The following ZBTB46 variants were observed in gnomAD, a reference collection of about 807,000 sequenced individuals.
ZBTB46 encodes the protein zinc finger and BTB domain containing 46.
A neutral mutation model predicts 44.1 loss-of-function variants in ZBTB46; 8 were observed. That is an observed-to-expected ratio of 0.18 (90% CI 0.11 to 0.33). ZBTB46 has a LOEUF of 0.33. Among genes scored for constraint, ZBTB46 ranks in the 10% least tolerant of loss-of-function variants. The pLI is 1.00. For synonymous variants in ZBTB46, 409 were observed against 382.3 expected (o/e 1.07, Z -0.81); for missense variants, 651 against 847.7 (o/e 0.77, Z 2.88).
At chr20:63,795,688 A>G (rs1407365943) in intron 1 of ZBTB46, among the ~76,000 whole-genome samples, 3 of 152,170 alleles carry the variant, frequency 2.0e-5, no homozygotes, top group African/African-American at 4.8e-5. Context: ...AGGTCGGCCA[A>G]TCCTCCCTGG....
intron 2 of ZBTB46, among the ~76,000 whole-genome samples, chr20:63,782,096 A>AAAAAGAAAAAAG (rs2092475103): frequency 8.0e-6 from 1 of 124,924 alleles, no homozygotes; most frequent in South Asian, 2.7e-4. Context: ...CAAAAAAAAA[A>AAAAAGAAAAAAG]AAAAGAAAAG....
intron 2 of ZBTB46, among the ~76,000 whole-genome samples, chr20:63,785,012 T>A (rs1046679885): frequency 6.8e-6 from 1 of 146,670 alleles, no homozygotes; most frequent in Non-Finnish European, 1.5e-5. Flanking sequence ...GGCAGGCGGA[T>A]CACGAGGTCA....
At chr20:63,776,253 C>A (rs1300655178) in intron 2 of ZBTB46, among the ~76,000 whole-genome samples, 1 of 152,244 alleles carries the variant, frequency 6.6e-6, no homozygotes, top group Non-Finnish European at 1.5e-5. Context: ...CGAGGCGCTG[C>A]AGACCTGGTA....
chr20:63,803,560 C>T lies in ZBTB46; in HGVS notation c.-33-12770G>A. 1.0e-6 allele frequency: 1 copy of T among 971,894 alleles called. No individual in the cohort carries two copies. The highest frequency in any genetic ancestry group is 4.7e-5 in the South Asian group (1 of 21,108). 60.2% of individuals were successfully genotyped at this position (971,894 alleles called of 1,614,324 possible). The stretch of plus-strand genomic sequence containing the variant: ...AGCCATGTCTGCCGGCCCCGGGCTG[C>T]CCAGGCCCCGGGCTGCCCAGGTCTC... On this transcript the variant is annotated intron_variant, in intron 1 of 4. Coordinates refer to ENST00000245663, the MANE Select transcript of ZBTB46 (RefSeq NM_001369741.1). This position sits in a 1 kb window ranked among gnomAD's most constrained non-coding sequence, Gnocchi z 4.0.
intron 1 of ZBTB46, among the ~76,000 whole-genome samples, chr20:63,801,543 G>C (rs1038207053): frequency 6.6e-6 from 1 of 152,196 alleles, no homozygotes; most frequent in Non-Finnish European, 1.5e-5. Context: ...TACATTGAAA[G>C]TGTTGTTCTT....
chr20:63,774,532 G>A (rs1286908729), intron 3 of ZBTB46, among the ~76,000 whole-genome samples: 4 of 151,916 alleles, frequency 2.6e-5, no homozygotes, highest in Non-Finnish European at 5.9e-5. Flanking sequence ...TGCCGGACTC[G>A]CTCCCTCCTC....
At chr20:63,805,318 G>A (rs181680709) in intron 1 of ZBTB46, among the ~76,000 whole-genome samples, 14 of 152,230 alleles carry the variant, frequency 9.2e-5, no homozygotes, top group Admixed American at 7.9e-4. Context: ...AACAGCAGCC[G>A]GGCAGTGTGG....
intron 2 of ZBTB46, among the ~76,000 whole-genome samples, chr20:63,782,180 G>T (rs2145894574): frequency 7.4e-6 from 1 of 135,874 alleles, no homozygotes; most frequent in South Asian, 2.5e-4. Flanking sequence ...GACTCCTGCA[G>T]AGACGCCCAG....
rs538786473 is a variant in ZBTB46, at chr20:63,770,103, C to T, written c.1222+5575G>A. 2.0e-5 allele frequency among the ~76,000 whole-genome samples: 3 copies of T among 152,186 alleles called. No homozygotes were observed. The South Asian group carries it at 6.2e-4, about 31-fold the overall frequency. On this transcript the variant is annotated intron_variant, in intron 3 of 4. Transcript: ENST00000245663. ...GTTACACCAGCAACGCTCCAGAGGCCGCGTCCCACATTTCCGGGCACGGCT... is the reference window on the plus strand; with the variant it reads ...GTTACACCAGCAACGCTCCAGAGGCTGCGTCCCACATTTCCGGGCACGGCT...
chr20:63,800,285 G>A (rs1227433507), intron 1 of ZBTB46, among the ~76,000 whole-genome samples: 1 of 152,222 alleles, frequency 6.6e-6, no homozygotes, highest in African/African-American at 2.4e-5. Context: ...GGAAACTCTA[G>A]ACAACAGAAG....
intron 3 of ZBTB46, among the ~76,000 whole-genome samples, chr20:63,753,626 C>T (rs2092192255): frequency 6.6e-6 from 1 of 152,256 alleles, no homozygotes; most frequent in African/African-American, 2.4e-5. Flanking sequence ...CGGGACCCTA[C>T]GGGAGACCCA....
intron 2 of ZBTB46, among the ~76,000 whole-genome samples, chr20:63,786,102 G>A (rs931635020): frequency 6.6e-6 from 1 of 152,180 alleles, no homozygotes; most frequent in African/African-American, 2.4e-5. Context: ...GAGGGGCCTC[G>A]CTGTGCTGAC....
chr20:63,771,596 A>G (rs12479703), intron 3 of ZBTB46, among the ~76,000 whole-genome samples: 4,380 of 151,562 alleles, frequency 0.029, 81 homozygotes, highest in Non-Finnish European at 0.042. Context: ...CCACCGCGGC[A>G]GCCCCCCGAG....
At chr20:63,759,737 T>C (rs2092257153) in intron 3 of ZBTB46, among the ~76,000 whole-genome samples, 1 of 152,212 alleles carries the variant, frequency 6.6e-6, no homozygotes, top group South Asian at 2.1e-4. Flanking sequence ...GCTCAGAGGC[T>C]AAGTCATCAT....
chr20:63,769,672 G>A (rs966527604), intron 3 of ZBTB46, among the ~76,000 whole-genome samples: 2 of 152,152 alleles, frequency 1.3e-5, no homozygotes, highest in Non-Finnish European at 2.9e-5. Context: ...CCTCTGGACT[G>A]CAGAAATGCT....
intron 3 of ZBTB46, 198 bp downstream of exon 3, chr20:63,775,480 C>G (rs1164551058): frequency 3.1e-6 from 2 of 646,430 alleles, no homozygotes; most frequent in East Asian, 3.0e-5. Flanking sequence ...CCTCCTCACT[C>G]TAAAGCCAGC....
In ZBTB46 at chr20:63,775,945, T is replaced by A; in HGVS notation, c.955A>T (p.Thr319Ser). Residue 319 changes from threonine to serine, a missense_variant, in exon 3 of 5, where the codon ACC becomes TCC. By Grantham distance (58) the Thr-to-Ser change is moderately conservative (BLOSUM62 1). This residue lies in a region of ZBTB46 where 385 missense variants were observed against 423.3 expected (regional missense o/e 0.91). Transcript: ENST00000245663. Reference protein sequence around the residue: ...SRDSNADLSVTEASSSDSRGE... With the variant: ...SRDSNADLSVSEASSSDSRGE... ...CGGCTGTCGGAGCTGCTGGCTTCGG[T>A]GACGGACAGGTCCGCATCTGGGGAC... The A allele has an allele frequency of 1.3e-6, 2 of 1,575,808 alleles. No individual in the cohort carries two copies.
At chr20:63,797,274 T>C (rs2092611070) in intron 1 of ZBTB46, among the ~76,000 whole-genome samples, 1 of 151,480 alleles carries the variant, frequency 6.6e-6, no homozygotes, top group Admixed American at 6.6e-5. Context: ...GTCCTTGTGA[T>C]AGTTTGCTCA....
chr20:63,761,894 T>C (rs916681472), intron 3 of ZBTB46, among the ~76,000 whole-genome samples: 28 of 152,352 alleles, frequency 1.8e-4, no homozygotes, highest in Middle Eastern at 6.8e-3. Flanking sequence ...TAGTGTCTTC[T>C]TGTTACTGAT....
Sources: gnomAD v4.1 joint callset for allele counts (sites outside exome capture counted in the v4.1 genomes callset) on GRCh38, gnomAD v4.1.1 for gene constraint, gnomAD v4.1.1 regional missense constraint, Gnocchi (gnomAD v3.1) non-coding constraint, MANE v1.5 for transcripts, NCBI Gene and HGNC (gene_info 2026-07-23, HGNC 2026-07-21) for gene names.